Variants in RBM39 observed in about 807,000 individuals in gnomAD.
The protein encoded by RBM39 is RNA binding motif protein 39.
In RBM39, 12 loss-of-function variants were observed where a neutral mutation model predicts 79.6. The observed-to-expected ratio is 0.15, with a 90% CI of 0.10 to 0.24. RBM39 has a LOEUF of 0.24. RBM39 is among the 10% of genes least tolerant of loss of function. RBM39 has a pLI of 1.00. For synonymous variants in RBM39, 185 were observed against 208.4 expected, an observed-to-expected ratio of 0.89 and a Z score of 0.97; for missense variants, 243 against 653.4, an observed-to-expected ratio of 0.37 and a Z score of 6.85.
At chr20:35,712,638 TTACTAC>T (rs11470473) in intron 12 of RBM39, among the ~76,000 whole-genome samples, 3 of 152,070 alleles carry the variant, frequency 2.0e-5, no homozygotes, top group Admixed American at 6.6e-5. Flanking sequence ...CTCAACACTC[TTACTAC>T]TACAATAGTT....
At chr20:35,725,679 C>G (rs117624545) in intron 6 of RBM39, among the ~76,000 whole-genome samples, 8,015 of 98,728 alleles carry the variant, frequency 0.081, 302 homozygotes, top group South Asian at 0.22. Flanking sequence ...TTTTTTTTTC[C>G]AGAGGAAGTC....
chr20:35,718,813 C>CAAAAAAAA (rs555136304), intron 9 of RBM39, among the ~76,000 whole-genome samples: 1 of 37,878 alleles, frequency 2.6e-5, no homozygotes, highest in Non-Finnish European at 5.3e-5. Context: ...TACTCCATCT[C>CAAAAAAAA]AAAAAAAAAA....
At chr20:35,726,127 A>ATT (rs2038659101) in intron 6 of RBM39, among the ~76,000 whole-genome samples, 1 of 151,862 alleles carries the variant, frequency 6.6e-6, no homozygotes, top group East Asian at 1.9e-4. Flanking sequence ...AAAAAAAGTA[A>ATT]TTTTTCTTTT....
chr20:35,734,631 T>G (rs1389937887), intron 3 of RBM39: 1 of 356,326 alleles, frequency 2.8e-6, no homozygotes, highest in Non-Finnish European at 4.8e-6. Flanking sequence ...AGAAAACACT[T>G]GAAAATTGGA....
At chr20:35,734,231 A>G in intron 3 of RBM39, 1 of 1,303,926 alleles carries the variant, frequency 7.7e-7, no homozygotes, top group Non-Finnish European at 1.0e-6. Context: ...GGAGATGTAG[A>G]GCTTTCCAAG....
rs1224361126 is a variant in RBM39, at chr20:35,742,154, G to C, written c.-227C>G. 1 of 161,856 alleles carries C rather than the reference G, an allele frequency of 6.2e-6. No homozygotes were observed. The highest frequency in any genetic ancestry group is 1.4e-5 in the Non-Finnish European group (1 of 72,766). The allele number at this position is 161,856 out of a possible 1,614,324, so 10.0% of individuals were successfully genotyped here. A position where few individuals can be genotyped will look rare whatever the true frequency, so the allele number is the denominator to read the frequency against. On this transcript the variant is annotated 5_prime_UTR_variant, in exon 1 of 17. Coordinates refer to ENST00000253363, the MANE Select transcript of RBM39 (RefSeq NM_184234.3). Reference sequence around the variant, plus strand: ...GAATTAGAGAAGCCCACGCGGGAGAGCAGGACGGCGGCTTCGGCAGCTCAG... The same window carrying C: ...GAATTAGAGAAGCCCACGCGGGAGACCAGGACGGCGGCTTCGGCAGCTCAG...
intron 3 of RBM39, chr20:35,736,595 T>C (rs946130565): frequency 2.1e-6 from 1 of 469,550 alleles, no homozygotes; most frequent in Non-Finnish European, 4.4e-6. Flanking sequence ...CAAAAAGAAA[T>C]CAAATAAATG....
chr20:35,739,726 G>A (rs1216919303), intron 2 of RBM39: 1 of 330,376 alleles, frequency 3.0e-6, no homozygotes, highest in Non-Finnish European at 6.1e-6. Flanking sequence ...AAAACAGAAA[G>A]TAGCTCTTCA....
At chr20:35,724,105 G>A (rs961107612) in intron 8 of RBM39, among the ~76,000 whole-genome samples, 5 of 152,068 alleles carry the variant, frequency 3.3e-5, no homozygotes, top group African/African-American at 1.2e-4. Flanking sequence ...GCTGGGGCAG[G>A]TGGATCACCT....
chr20:35,709,347 G>C, intron 12 of RBM39, 73 bp from the exon 13 acceptor site: 1 of 1,280,318 alleles, frequency 7.8e-7, no homozygotes, highest in Non-Finnish European at 1.1e-6. Flanking sequence ...TAATAAAAGA[G>C]GACTACAATA....
chr20:35,742,006 TGC>T lies in RBM39; in HGVS notation c.-81_-80del. 1 of 240,098 alleles carries T rather than the reference TGC, an allele frequency of 4.2e-6. No homozygotes were observed. Among genetic ancestry groups the T allele is most frequent in the Non-Finnish European group, 8.1e-6 (1 of 123,454 alleles). 14.9% of individuals were successfully genotyped at this position (240,098 alleles called of 1,614,324 possible). On this transcript the variant is annotated 5_prime_UTR_variant, in exon 1 of 17. Transcript: ENST00000253363. ...AAGAGATTGCTGCTGCTGCTGCTGC[TGC>T]TGCCGCCGCCGCCGCTTCTGTTGCT...
chr20:35,712,064 C>T (rs1227478442), intron 12 of RBM39, among the ~76,000 whole-genome samples: 1 of 151,984 alleles, frequency 6.6e-6, no homozygotes, highest in Non-Finnish European at 1.5e-5. Flanking sequence ...CCCCCACCAA[C>T]AAAATAACAA....
intron 8 of RBM39, among the ~76,000 whole-genome samples, chr20:35,722,742 G>A (rs2038134334): frequency 6.7e-6 from 1 of 148,682 alleles, no homozygotes; most frequent in Non-Finnish European, 1.5e-5. Context: ...GACCATCCTG[G>A]TTAACACAGT....
At chr20:35,732,203 G>T in intron 3 of RBM39, 68 bp from the exon 4 acceptor site, 1 of 1,354,390 alleles carries the variant, frequency 7.4e-7, no homozygotes, top group Non-Finnish European at 1.0e-6. Flanking sequence ...TACCTTTTAT[G>T]GCCAGAATCA....
chr20:35,713,529 T>G (rs1414517624), intron 11 of RBM39: 1 of 155,116 alleles, frequency 6.4e-6, no homozygotes, highest in African/African-American at 2.4e-5. Flanking sequence ...TTCTCCGTGC[T>G]GGTCAGGCTG....
In RBM39 at chr20:35,703,150, G is replaced by C. The variant is rs1429043930; in HGVS notation, c.*1331C>G. The C allele has an allele frequency of 6.6e-6, 1 of 152,104 alleles. No homozygotes were observed. The highest frequency in any genetic ancestry group is 6.6e-5 in the Admixed American group (1 of 15,262). The allele number at this position is 152,104 out of a possible 1,614,324, so 9.4% of individuals were successfully genotyped here. A position where few individuals can be genotyped will look rare whatever the true frequency, so the allele number is the denominator to read the frequency against. The stretch of plus-strand genomic sequence containing the variant: ...TTACCAAGAGATAAACAGTTGAAGA[G>C]AATTGAGTATAAATGGTGACAGCTT... On this transcript the variant is annotated 3_prime_UTR_variant, in exon 17 of 17. Coordinates refer to ENST00000253363, the MANE Select transcript of RBM39 (RefSeq NM_184234.3).
chr20:35,713,838 T>C (rs918326043), intron 11 of RBM39: 1 of 186,224 alleles, frequency 5.4e-6, no homozygotes. Context: ...GCACTCCAAA[T>C]TGGGCAACAG....
In RBM39 at chr20:35,732,165, G is replaced by A. The variant is rs1482616359; in HGVS notation, c.102-30C>T. On this transcript the variant is annotated intron_variant, in intron 3 of 16. Coordinates refer to ENST00000253363, the MANE Select transcript of RBM39 (RefSeq NM_184234.3). ...GAAGAAAAAAACTCGCCATTATCAT[G>A]CTGGCTTAAGAACCCACCAAAATAT... 2.5e-6 allele frequency: 4 copies of A among 1,605,238 alleles called. No homozygotes were observed. In the South Asian group the frequency reaches 3.3e-5, roughly 13 times the overall value.
At position 35,732,039 on chromosome 20, in the gene RBM39, G is replaced by A. The variant is rs2039423170; in HGVS notation, c.198C>T (p.Ser66=). 6.2e-7 allele frequency: 1 copy of A among 1,613,804 alleles called. No individual in the cohort carries two copies. The highest frequency in any genetic ancestry group is 8.5e-7 in the Non-Finnish European group (1 of 1,179,992). ...TACTTCGCTTTCTTTCACGGCTTTT[G>A]CTCTTTTTCCTTTCTCTGTCTCTAC... ...KRSRDRERKK[S]KSRERKRSRS... Residue 66 remains serine, a synonymous_variant, in exon 4 of 17, where the codon AGC becomes AGT. Transcript: ENST00000253363.
Sources: allele counts gnomAD v4.1 joint callset (sites outside exome capture counted in the v4.1 genomes callset), GRCh38; gene constraint gnomAD v4.1.1; transcripts MANE v1.5; gene names NCBI Gene and HGNC (gene_info 2026-07-23, HGNC 2026-07-21).